L3MBTL4: variants seen among roughly 807,000 people sequenced by gnomAD.
The protein encoded by L3MBTL4 is L3MBTL histone methyl-lysine binding protein 4.
A neutral mutation model predicts 84.5 loss-of-function variants in L3MBTL4; 70 were observed. That is an observed-to-expected ratio of 0.83 (90% CI 0.68 to 1.01). The LOEUF (loss-of-function observed/expected upper bound fraction) is 1.01. Ranked by LOEUF, L3MBTL4 falls within the 50% of genes least tolerant of loss-of-function variation. L3MBTL4 has a pLI of 0.00. For synonymous variants in L3MBTL4, 274 were observed against 259.8 expected, an observed-to-expected ratio of 1.05 and a Z score of -0.52; for missense variants, 715 against 754.8, an observed-to-expected ratio of 0.95 and a Z score of 0.62.
At chr18:6,185,960 C>CTATTTTA (rs976327212) in intron 12 of L3MBTL4, among the ~76,000 whole-genome samples, 69 of 145,856 alleles carry the variant, frequency 4.7e-4, no homozygotes, top group African/African-American at 1.8e-3. Flanking sequence ...AGGGCACTTT[C>CTATTTTA]TTTATTTTAT....
At chr18:6,343,711 G>A (rs916235490) in intron 1 of L3MBTL4, among the ~76,000 whole-genome samples, 1 of 148,548 alleles carries the variant, frequency 6.7e-6, no homozygotes, top group South Asian at 2.1e-4. Flanking sequence ...AACTTTTTCA[G>A]CCACAATGGT....
intron 13 of L3MBTL4, among the ~76,000 whole-genome samples, chr18:6,157,328 C>T (rs956995595): frequency 2.0e-5 from 3 of 152,102 alleles, no homozygotes; most frequent in African/African-American, 7.2e-5. Context: ...AATATTTTTT[C>T]CTCGGAATGA....
At chr18:6,047,280 C>T (rs2056664249) in intron 16 of L3MBTL4, among the ~76,000 whole-genome samples, 1 of 152,052 alleles carries the variant, frequency 6.6e-6, no homozygotes, top group Non-Finnish European at 1.5e-5. Context: ...AAAAAAAGCC[C>T]TGGAGCAGAT....
chr18:6,024,622 A>T (rs994124454), intron 16 of L3MBTL4, among the ~76,000 whole-genome samples: 1 of 152,226 alleles, frequency 6.6e-6, no homozygotes, highest in Non-Finnish European at 1.5e-5. Context: ...TGCCTCTGCT[A>T]ATTAATTACT....
chr18:6,360,989 G>T (rs1410019391), intron 1 of L3MBTL4, among the ~76,000 whole-genome samples: 1 of 145,674 alleles, frequency 6.9e-6, no homozygotes, highest in Non-Finnish European at 1.5e-5. Flanking sequence ...CTGCCCTCCA[G>T]CCTAGGCAAG....
intron 1 of L3MBTL4, among the ~76,000 whole-genome samples, chr18:6,314,036 T>TGATAGATA (rs5822890): frequency 5.5e-4 from 83 of 149,678 alleles, no homozygotes; most frequent in Non-Finnish European, 6.2e-4. Flanking sequence ...GGATGGCAGA[T>TGATAGATA]GATAGATAGA....
At chr18:6,376,463 G>A (rs1020216902) in intron 1 of L3MBTL4, among the ~76,000 whole-genome samples, 10 of 152,288 alleles carry the variant, frequency 6.6e-5, no homozygotes, top group East Asian at 1.9e-4. Context: ...CCCCAGCTGC[G>A]CACAGTGGCT....
intron 14 of L3MBTL4, among the ~76,000 whole-genome samples, chr18:6,128,039 G>C (rs558358070): frequency 3.1e-5 from 4 of 128,972 alleles, no homozygotes; most frequent in East Asian, 5.4e-4. Flanking sequence ...TGGGTGGGGC[G>C]GGGGAAGAGT....
intron 14 of L3MBTL4, among the ~76,000 whole-genome samples, chr18:6,116,791 T>C (rs2059373420): frequency 6.6e-6 from 1 of 152,230 alleles, no homozygotes; most frequent in African/African-American, 2.4e-5. Flanking sequence ...TATAACATAA[T>C]TATAAAGCAA....
intron 12 of L3MBTL4, among the ~76,000 whole-genome samples, chr18:6,209,310 T>C (rs1686304798): frequency 6.6e-6 from 1 of 152,184 alleles, no homozygotes; most frequent in Non-Finnish European, 1.5e-5. Context: ...CTACTGTTAC[T>C]ACTTCTACTA....
At chr18:6,104,627 A>G (rs2058939439) in intron 14 of L3MBTL4, among the ~76,000 whole-genome samples, 2 of 152,210 alleles carry the variant, frequency 1.3e-5, no homozygotes. Context: ...AGTTACCCAG[A>G]TGATTAAGTT....
At chr18:6,207,175 T>C (rs557638654) in intron 12 of L3MBTL4, among the ~76,000 whole-genome samples, 1 of 152,356 alleles carries the variant, frequency 6.6e-6, no homozygotes, top group African/African-American at 2.4e-5. Flanking sequence ...GTTTATATAT[T>C]GTCTCTGGCT....
chr18:6,338,781 T>C (rs1157351217), intron 1 of L3MBTL4, among the ~76,000 whole-genome samples: 1 of 151,952 alleles, frequency 6.6e-6, no homozygotes, highest in Admixed American at 6.6e-5. Context: ...CATAAAAGAC[T>C]TGAAAAATAT....
At chr18:6,381,938 TTCCATTGTC>T (rs1165759363) in intron 1 of L3MBTL4, among the ~76,000 whole-genome samples, 2 of 152,230 alleles carry the variant, frequency 1.3e-5, no homozygotes, top group Non-Finnish European at 2.9e-5. Context: ...TCCAGCTTGG[TTCCATTGTC>T]TCCATCACTT....
At chr18:6,225,218 A>C (rs889960639) in intron 10 of L3MBTL4, among the ~76,000 whole-genome samples, 1 of 152,248 alleles carries the variant, frequency 6.6e-6, no homozygotes, top group Non-Finnish European at 1.5e-5. Context: ...AGAGAAACTC[A>C]AAGTATTTTG....
At chr18:6,176,098 T>C (rs1203305930) in intron 12 of L3MBTL4, among the ~76,000 whole-genome samples, 2 of 152,144 alleles carry the variant, frequency 1.3e-5, no homozygotes, top group Non-Finnish European at 2.9e-5. Flanking sequence ...GCTGGAAGAC[T>C]CAATATTATT....
intron 12 of L3MBTL4, among the ~76,000 whole-genome samples, chr18:6,200,353 A>C (rs542691869): frequency 1.3e-3 from 201 of 152,386 alleles, no homozygotes; most frequent in Non-Finnish European, 2.4e-3. Flanking sequence ...CTAGCTGGCC[A>C]GGAAGCAGAG....
chr18:6,392,175 TAGAG>T (rs2055082814), intron 1 of L3MBTL4, among the ~76,000 whole-genome samples: 1 of 152,098 alleles, frequency 6.6e-6, no homozygotes, highest in Non-Finnish European at 1.5e-5. Flanking sequence ...TGGAACATAA[TAGAG>T]AGCCCAGAAA....
At chr18:6,188,825 G>C (rs2044918218) in intron 12 of L3MBTL4, among the ~76,000 whole-genome samples, 1 of 152,216 alleles carries the variant, frequency 6.6e-6, no homozygotes, top group Non-Finnish European at 1.5e-5. Context: ...GTAATCTCCT[G>C]GTCCTGGGAT....
Sources: gnomAD v4.1 joint callset for allele counts (sites outside exome capture counted in the v4.1 genomes callset) on GRCh38, gnomAD v4.1.1 for gene constraint, MANE v1.5 for transcripts, NCBI Gene and HGNC (gene_info 2026-07-23, HGNC 2026-07-21) for gene names.